Variants in CISH observed in about 807,000 individuals in gnomAD.
The protein encoded by CISH is cytokine-inducible SH2-containing protein.
In CISH, 11 loss-of-function variants were observed where a neutral mutation model predicts 21.3. The ratio of observed to expected loss-of-function variants is 0.52; its 90% CI spans 0.32 to 0.85. The LOEUF is 0.85. CISH is among the 40% of genes least tolerant of loss of function. CISH has a pLI of 0.03. For synonymous variants in CISH, 118 were observed against 142.3 expected, an observed-to-expected ratio of 0.83 and a Z score of 1.22; for missense variants, 280 against 351.7, an observed-to-expected ratio of 0.80 and a Z score of 1.63.
intron 1 of CISH, chr3:50,611,301 T>G (rs1386764200): frequency 7.8e-7 from 1 of 1,279,774 alleles, no homozygotes; most frequent in Non-Finnish European, 9.9e-7. Flanking sequence ...CCCAGAAGAA[T>G]ATCTGGGATT....
In CISH at chr3:50,607,710, T is replaced by C. The variant is rs769768271; in HGVS notation, c.674A>G (p.His225Arg). 4.3e-6 allele frequency: 7 copies of C among 1,613,742 alleles called. No homozygotes were observed. Among genetic ancestry groups the C allele is most frequent in the Non-Finnish European group, 5.9e-6 (7 of 1,179,910 alleles). Residue 225 changes from histidine to arginine, a missense_variant, in exon 3 of 3, where the codon CAC becomes CGC. Transcript: ENST00000348721. ...VRRSSARSLQHLCRLVINRLV... is the reference protein window; with the variant it reads ...VRRSSARSLQRLCRLVINRLV... ...ACGGTTGATGACAAGGCGGCACAGG[T>C]GTTGCAGGCTGCGGGCACTGCTTCT...
At chr3:50,611,051 G>A in intron 1 of CISH, 1 of 991,224 alleles carries the variant, frequency 1.0e-6, no homozygotes, top group African/African-American at 1.7e-5. Context: ...CTGAGACAGG[G>A]TTGTGAGACG....
At position 50,611,725 on chromosome 3, in the gene CISH, G is replaced by A. The variant is rs2032333228; in HGVS notation, c.-75C>T. 1 of 1,422,102 alleles carries A rather than the reference G, an allele frequency of 7.0e-7. No homozygotes were observed. Among genetic ancestry groups the A allele is most frequent in the South Asian group, 1.5e-5 (1 of 67,712 alleles). The allele number at this position is 1,422,102 out of a possible 1,614,324, so 88.1% of individuals were successfully genotyped here. ...CGGCTGGAGGGAACCAGTGGGCGCGGAGCGCGTGCTGGGTAGGCTCCCGGG... is the reference window on the plus strand; with the variant it reads ...CGGCTGGAGGGAACCAGTGGGCGCGAAGCGCGTGCTGGGTAGGCTCCCGGG... On this transcript the variant is annotated 5_prime_UTR_variant, in exon 1 of 3. Coordinates refer to ENST00000348721, the MANE Select transcript of CISH (RefSeq NM_145071.4).
chr3:50,607,312 G>A lies in CISH; in HGVS notation c.*295C>T, dbSNP rs565410703. ...GTTCAGGTGGCCAGGGCAGGCAAGC[G>A]AGTGGAGGTCTGGGCCCAGCCCACA... On this transcript the variant is annotated 3_prime_UTR_variant, in exon 3 of 3. Transcript: ENST00000348721. The A allele has an allele frequency of 4.7e-4, 198 of 419,848 alleles. 1 individual carries two copies. The highest frequency in any genetic ancestry group is 1.8e-3 in the African/African-American group (93 of 50,970). The allele number at this position is 419,848 out of a possible 1,614,324, so 26.0% of individuals were successfully genotyped here. A position where few individuals can be genotyped will look rare whatever the true frequency, so the allele number is the denominator to read the frequency against.
chr3:50,611,024 T>G, intron 1 of CISH: 3 of 990,832 alleles, frequency 3.0e-6, no homozygotes, highest in Non-Finnish European at 3.6e-6. Context: ...CTTCTCACAT[T>G]GGGATCCCAG....
intron 2 of CISH, 99 bp from the exon 3 acceptor site, chr3:50,608,241 TAG>T: frequency 6.7e-7 from 1 of 1,492,784 alleles, no homozygotes; most frequent in Non-Finnish European, 9.1e-7. Context: ...CACGCTTCCC[TAG>T]AGAGGGCTGT....
At position 50,608,469 on chromosome 3, in the gene CISH, C is replaced by A. The variant is rs1453261848; in HGVS notation, c.145G>T (p.Gly49Cys). 3 of 1,613,426 alleles carry A rather than the reference C, an allele frequency of 1.9e-6. No homozygotes were observed. The highest frequency in any genetic ancestry group is 2.5e-6 in the Non-Finnish European group (3 of 1,179,808). ...TCACTCTCTGTCTGGGCTGGGGTAC[C>A]CTCTGCCACCTCCTCGAGGAAGGCC... is the stretch of plus-strand genomic sequence containing the variant. ...AGAFLEEVAEGTPAQTESEPK... is the reference protein window; with the variant it reads ...AGAFLEEVAECTPAQTESEPK... The change falls in exon 2 of 3, where the codon GGT becomes TGT. Residue 49 changes from glycine to cysteine, a missense_variant. Gly to Cys is a radical substitution (Grantham distance 159). Transcript: ENST00000348721.
In CISH at chr3:50,606,543, G is replaced by A. The variant is rs2032157994; in HGVS notation, c.*1064C>T. 1 of 152,212 alleles carries A rather than the reference G, an allele frequency of 6.6e-6. No homozygotes were observed. Among genetic ancestry groups the A allele is most frequent in the Admixed American group, 6.5e-5 (1 of 15,286 alleles). 9.4% of individuals were successfully genotyped at this position (152,212 alleles called of 1,614,324 possible). A position where few individuals can be genotyped will look rare whatever the true frequency, so the allele number is the denominator to read the frequency against. On this transcript the variant is annotated 3_prime_UTR_variant, in exon 3 of 3. Coordinates refer to ENST00000348721, the MANE Select transcript of CISH (RefSeq NM_145071.4). The stretch of plus-strand genomic sequence containing the variant: ...GTAATAAAATAAAGAGGTAATAAAG[G>A]TATAATGTCATTACAGAAAAATCAG...
intron 1 of CISH, chr3:50,611,003 G>A (rs1169537897): frequency 4.0e-6 from 4 of 991,730 alleles, no homozygotes; most frequent in Non-Finnish European, 4.8e-6. Flanking sequence ...TGAGAGGCAG[G>A]AGCCAAGGTC....
At chr3:50,609,054 C>T (rs868531092) in intron 1 of CISH, 25 of 155,860 alleles carry the variant, frequency 1.6e-4, no homozygotes, top group South Asian at 4.1e-4. Flanking sequence ...GTAGATTTAT[C>T]CTATGATAGA....
At chr3:50,608,256 C>T (rs2107558814) in intron 2 of CISH, 114 bp from the exon 3 acceptor site, 2 of 1,469,436 alleles carry the variant, frequency 1.4e-6, no homozygotes, top group South Asian at 1.3e-5. Context: ...AGGGCTGTGC[C>T]TCTCCCATCA....
chr3:50,610,263 T>C (rs915814099), intron 1 of CISH: 2 of 1,281,108 alleles, frequency 1.6e-6, no homozygotes, highest in Non-Finnish European at 2.2e-6. Context: ...CCAGATAGCT[T>C]AGCCGGTCCT....
chr3:50,611,302 A>C, intron 1 of CISH: 1 of 1,283,180 alleles, frequency 7.8e-7, no homozygotes, highest in Non-Finnish European at 9.8e-7. Flanking sequence ...CCAGAAGAAT[A>C]TCTGGGATTG....
At chr3:50,610,430 T>C (rs781280275) in intron 1 of CISH, 1 of 1,551,498 alleles carries the variant, frequency 6.4e-7, no homozygotes, top group Non-Finnish European at 8.7e-7. Context: ...GTGGCTGGTG[T>C]GTTCTAGGTA....
chr3:50,610,980 G>A, intron 1 of CISH: 3 of 991,812 alleles, frequency 3.0e-6, no homozygotes, highest in Non-Finnish European at 3.6e-6. Context: ...CTCAAGTCTG[G>A]GAAATTTGAA....
In CISH at chr3:50,608,006, G is replaced by A. The variant is rs2032208907; in HGVS notation, c.378C>T (p.Pro126=). ...FTLSVKTTRG[P]TNVRIEYADS... ...CGGCATACTCAATGCGTACATTGGT[G>A]GGGCCACGAGTGGTTTTCACTGACA... The change falls in exon 3 of 3, where the codon CCC becomes CCT. Residue 126 remains proline (P), a synonymous_variant. Coordinates refer to ENST00000348721, the MANE Select transcript of CISH (RefSeq NM_145071.4). The A allele has an allele frequency of 6.2e-7, 1 of 1,614,054 alleles. No individual in the cohort carries two copies. Among genetic ancestry groups the A allele is most frequent in the Admixed American group, 1.7e-5 (1 of 60,018 alleles).
In CISH at chr3:50,607,500, A is replaced by C; in HGVS notation, c.*107T>G. ...CCTGGGCCAGCTGCCAGAGGTATGC[A>C]GGCACCAGGATGCCTGGAGGAGGGA... On this transcript the variant is annotated 3_prime_UTR_variant, in exon 3 of 3. Coordinates refer to ENST00000348721, the MANE Select transcript of CISH (RefSeq NM_145071.4). 8.5e-7 allele frequency: 1 copy of C among 1,173,534 alleles called. No homozygotes were observed. Among genetic ancestry groups the C allele is most frequent in the Non-Finnish European group, 1.2e-6 (1 of 831,706 alleles). The allele number at this position is 1,173,534 out of a possible 1,614,324, so 72.7% of individuals were successfully genotyped here. A position where few individuals can be genotyped will look rare whatever the true frequency, so the allele number is the denominator to read the frequency against.
Position 50,608,651 on chromosome 3 carries a change from A to AC in CISH, c.21-59dup, listed in dbSNP as rs1416003805. The AC allele has an allele frequency of 8.0e-6, 10 of 1,251,812 alleles. No individual in the cohort carries two copies. The Admixed American group carries it at 1.0e-4, about 13-fold the overall frequency. The allele number at this position is 1,251,812 out of a possible 1,614,324, so 77.5% of individuals were successfully genotyped here. On this transcript the variant is annotated intron_variant, in intron 1 of 2. Transcript: ENST00000348721. The stretch of plus-strand genomic sequence containing the variant: ...ACCCATGCTTCCCCCATCTCCAGAG[A>AC]CCCCCCTATGCCCCAGACTAGTTTC...
Position 50,607,503 on chromosome 3 carries a change from C to T in CISH, c.*104G>A, listed in dbSNP as rs2032187948. The T allele has an allele frequency of 9.0e-6, 11 of 1,224,978 alleles. No homozygotes were observed. Among genetic ancestry groups the T allele is most frequent in the South Asian group, 5.7e-5 (4 of 70,020 alleles). 75.9% of individuals were successfully genotyped at this position (1,224,978 alleles called of 1,614,324 possible). A position where few individuals can be genotyped will look rare whatever the true frequency, so the allele number is the denominator to read the frequency against. On this transcript the variant is annotated 3_prime_UTR_variant, in exon 3 of 3. Transcript: ENST00000348721. ...GGGCCAGCTGCCAGAGGTATGCAGGCACCAGGATGCCTGGAGGAGGGACAG... is the reference window on the plus strand; with the variant it reads ...GGGCCAGCTGCCAGAGGTATGCAGGTACCAGGATGCCTGGAGGAGGGACAG...
Sources: allele counts gnomAD v4.1 joint callset, GRCh38; gene constraint gnomAD v4.1.1; transcripts MANE v1.5; gene names NCBI Gene and HGNC (gene_info 2026-07-23, HGNC 2026-07-21).